The following TLL2 variants were observed in gnomAD, a reference collection of about 807,000 sequenced individuals.
The protein encoded by TLL2 is tolloid like 2.
In TLL2, 106 loss-of-function variants were observed where a neutral mutation model predicts 123.0. The observed-to-expected ratio is 0.86, with a 90% CI of 0.74 to 1.01. The LOEUF is 1.01. Among genes scored for constraint, TLL2 ranks in the 50% least tolerant of loss-of-function variants. The pLI, the probability that TLL2 is intolerant of heterozygous loss-of-function variation, is 0.00. For missense variants in TLL2, 1,332 were observed against 1,336.7 expected, an observed-to-expected ratio of 1.00 and a Z score of 0.06; for synonymous variants, 494 against 516.8, an observed-to-expected ratio of 0.96 and a Z score of 0.60.
At chr10:96,497,398 T>C (rs545285805) in intron 1 of TLL2, among the ~76,000 whole-genome samples, 5 of 152,238 alleles carry the variant, frequency 3.3e-5, no homozygotes, top group Non-Finnish European at 7.3e-5. Context: ...TTATACTTTG[T>C]ACACTTATTC....
intron 9 of TLL2, among the ~76,000 whole-genome samples, chr10:96,406,843 A>G (rs1056157361): frequency 1.3e-4 from 19 of 151,910 alleles, no homozygotes; most frequent in Admixed American, 1.0e-3. Context: ...AAGCTTTGGT[A>G]TTATCTTTCC....
rs79539272 is a variant in TLL2 at position 96,480,904 on chromosome 10, T to C, written c.176-445A>G. Reference sequence around the variant, plus strand: ...GCTCACTGCCCCATTGGTGTCAGGATTGGCCACACAGCCTGCTCTAATTCA... The same window carrying C: ...GCTCACTGCCCCATTGGTGTCAGGACTGGCCACACAGCCTGCTCTAATTCA... On this transcript the variant is annotated intron_variant, in intron 1 of 20. Coordinates refer to ENST00000357947, the MANE Select transcript of TLL2 (RefSeq NM_012465.4). 2.6e-5 allele frequency among the ~76,000 whole-genome samples: 4 copies of C among 152,332 alleles called. No homozygotes were observed. The East Asian group carries it at 5.8e-4, about 22-fold the overall frequency.
chr10:96,511,790 C>T (rs1847633786), intron 1 of TLL2, among the ~76,000 whole-genome samples: 1 of 152,226 alleles, frequency 6.6e-6, no homozygotes, highest in African/African-American at 2.4e-5. Flanking sequence ...GCCTCAGCGG[C>T]CCACACTGCC....
intron 13 of TLL2, among the ~76,000 whole-genome samples, chr10:96,387,577 G>C (rs2134058821): frequency 6.6e-6 from 1 of 152,322 alleles, no homozygotes; most frequent in South Asian, 2.1e-4. Flanking sequence ...AGGAGTTTTA[G>C]AAATACTCTT....
chr10:96,459,669 C>CA (rs1165594084), intron 2 of TLL2, among the ~76,000 whole-genome samples: 3 of 24,442 alleles, frequency 1.2e-4, no homozygotes, highest in African/African-American at 3.3e-4. Context: ...GATCCTGTTT[C>CA]AAAAAAAAAA....
chr10:96,507,278 G>T (rs996580384), intron 1 of TLL2, among the ~76,000 whole-genome samples: 2 of 101,844 alleles, frequency 2.0e-5, no homozygotes, highest in South Asian at 4.1e-4. Flanking sequence ...TTCCTCAGGG[G>T]CTAAGGCCAT....
chr10:96,440,396 T>C (rs769274016), intron 3 of TLL2, among the ~76,000 whole-genome samples: 6 of 152,220 alleles, frequency 3.9e-5, no homozygotes, highest in Non-Finnish European at 5.9e-5. Context: ...CAACTCTGTG[T>C]TGGAAACCTC....
chr10:96,417,330 A>G (rs567195325), intron 7 of TLL2, among the ~76,000 whole-genome samples: 1 of 152,346 alleles, frequency 6.6e-6, no homozygotes, highest in South Asian at 2.1e-4. Flanking sequence ...CCAGGTAAAA[A>G]GTTGGCAGAA....
chr10:96,493,389 A>C (rs909785739), intron 1 of TLL2, among the ~76,000 whole-genome samples: 2 of 152,220 alleles, frequency 1.3e-5, no homozygotes, highest in African/African-American at 2.4e-5. Flanking sequence ...TGGCAGGTGG[A>C]TAACAAGAGG....
intron 13 of TLL2, among the ~76,000 whole-genome samples, chr10:96,393,371 G>A (rs765347839): frequency 2.0e-5 from 3 of 152,194 alleles, no homozygotes; most frequent in Non-Finnish European, 2.9e-5. Flanking sequence ...GACAATGAAC[G>A]GGACTAAACA....
chr10:96,495,117 A>G (rs1418481254), intron 1 of TLL2, among the ~76,000 whole-genome samples: 3 of 152,306 alleles, frequency 2.0e-5, no homozygotes, highest in African/African-American at 7.2e-5. Context: ...TCACTCAGGA[A>G]GTGAGGAAGA....
Position 96,476,237 on chromosome 10 carries a change from TATA to T in TLL2, c.286+4109_286+4111del, listed in dbSNP as rs1469027579. Among the ~76,000 whole-genome samples the T allele has an allele frequency of 3.6e-3, 160 of 44,326 alleles. 24 individuals are homozygous for T. The South Asian group carries it at 0.067, about 18-fold the overall frequency. The allele number at this position is 44,326 out of a possible 152,430, so 29.1% of individuals were successfully genotyped here. A position where few individuals can be genotyped will look rare whatever the true frequency, so the allele number is the denominator to read the frequency against. Reference sequence around the variant, plus strand: ...AATTTTATATGTATATATATATATATATATTTTATTTTTGTTGTTGTTGTTGTT... The same window carrying T: ...AATTTTATATGTATATATATATATATTTTTATTTTTGTTGTTGTTGTTGTT... On this transcript the variant is annotated intron_variant, in intron 2 of 20. Coordinates refer to ENST00000357947, the MANE Select transcript of TLL2 (RefSeq NM_012465.4).
Position 96,498,758 on chromosome 10 carries a change from C to T in TLL2, c.175+14753G>A, listed in dbSNP as rs546620428. ...TTTTCCACCCCTTCCATATCCAAAC[C>T]ATGCCCGTGATGATTTGAGCTCTGC... On this transcript the variant is annotated intron_variant, in intron 1 of 20. Coordinates refer to ENST00000357947, the MANE Select transcript of TLL2 (RefSeq NM_012465.4). Among the ~76,000 whole-genome samples, 56 of 152,254 alleles carry T rather than the reference C, an allele frequency of 3.7e-4. 1 individual carries two copies. The highest frequency in any genetic ancestry group is 3.4e-3 in the Middle Eastern group (1 of 294).
At chr10:96,451,137 A>G (rs1248382021) in intron 2 of TLL2, among the ~76,000 whole-genome samples, 1 of 152,180 alleles carries the variant, frequency 6.6e-6, no homozygotes, top group African/African-American at 2.4e-5. Context: ...AGCATTTGCA[A>G]TTCAATCCCA....
At chr10:96,500,161 T>TCCCAACCAAAAAAAAAAAAAAAAA (rs1847521050) in intron 1 of TLL2, among the ~76,000 whole-genome samples, 1 of 68,160 alleles carries the variant, frequency 1.5e-5, no homozygotes, top group Non-Finnish European at 3.0e-5. Flanking sequence ...AAAAAAAAAA[T>TCCCAACCAAAAAAAAAAAAAAAAA]ACAAAAATTA....
chr10:96,383,496 C>G (rs112674362), intron 16 of TLL2, among the ~76,000 whole-genome samples: 17 of 152,384 alleles, frequency 1.1e-4, no homozygotes, highest in Non-Finnish European at 1.9e-4. Context: ...TCCCCCTTCA[C>G]TTGGCTCTCA....
chr10:96,487,272 T>A (rs1847366096), intron 1 of TLL2, among the ~76,000 whole-genome samples: 1 of 151,816 alleles, frequency 6.6e-6, no homozygotes, highest in South Asian at 2.1e-4. Context: ...CAGTGAAGAG[T>A]GGTACCTCTC....
chr10:96,395,310 T>A lies in TLL2; in HGVS notation c.1603A>T (p.Ile535Phe), dbSNP rs753067722. 1 of 1,614,058 alleles carries A rather than the reference T, an allele frequency of 6.2e-7. No individual in the cohort carries two copies. The highest frequency in any genetic ancestry group is 2.2e-5 in the East Asian group (1 of 44,874). Reference protein sequence around the residue: ...RDGPTEESALIGHFCGYEKPE... With the variant: ...RDGPTEESALFGHFCGYEKPE... The stretch of plus-strand genomic sequence containing the variant: ...TTCTCATAGCCACAAAAGTGGCCGA[T>A]CAGGGCACTCTCTTCCGTGGGGCCA... Residue 535 changes from isoleucine to phenylalanine, a missense_variant, in exon 13 of 21, where the codon ATC (isoleucine) becomes TTC (phenylalanine). Ile to Phe is a conservative substitution (Grantham distance 21). Coordinates refer to ENST00000357947, the MANE Select transcript of TLL2 (RefSeq NM_012465.4).
At chr10:96,450,158 CATGGATGGATGG>C (rs3033656) in intron 2 of TLL2, among the ~76,000 whole-genome samples, 29 of 150,780 alleles carry the variant, frequency 1.9e-4, no homozygotes, top group Non-Finnish European at 2.7e-4. Context: ...TGAATGAATG[CATGGATGGATGG>C]ATGGATGGAT....
Sources: gnomAD v4.1 joint callset for allele counts (sites outside exome capture counted in the v4.1 genomes callset) on GRCh38, gnomAD v4.1.1 for gene constraint, MANE v1.5 for transcripts, NCBI Gene and HGNC (gene_info 2026-07-23, HGNC 2026-07-21) for gene names.